The following KHDRBS1 variants were observed in gnomAD, a reference collection of about 807,000 sequenced individuals.
KHDRBS1 encodes the protein KH RNA binding domain containing, signal transduction associated 1, also known as KH domain-containing, RNA-binding, signal transduction-associated protein 1.
Under a neutral mutation model 48.4 loss-of-function variants are expected in KHDRBS1, and 7 were observed. The ratio of observed to expected loss-of-function variants is 0.14; its 90% CI spans 0.08 to 0.27. KHDRBS1 has a LOEUF of 0.27. KHDRBS1 is among the 10% of genes least tolerant of loss of function. KHDRBS1 has a pLI of 1.00. For synonymous variants in KHDRBS1, 241 were observed against 235.8 expected (o/e 1.02, Z -0.20); for missense variants, 458 against 601.2 (o/e 0.76, Z 2.49).
intron 1 of KHDRBS1, among the ~76,000 whole-genome samples, chr1:32,022,645 C>T (rs1358896118): frequency 2.6e-5 from 4 of 152,142 alleles, no homozygotes; most frequent in Non-Finnish European, 5.9e-5. Context: ...AATCCCAACA[C>T]TTTGGGAGGC....
chr1:32,056,642 G>C (rs541933182), intron 10 of KHDRBS1, among the ~76,000 whole-genome samples: 3 of 152,284 alleles, frequency 2.0e-5, no homozygotes, highest in African/African-American at 2.4e-5. Flanking sequence ...TCATGGCCTA[G>C]CTTTAGGTAT....
At chr1:32,033,048 A>T in intron 3 of KHDRBS1, 140 bp from the exon 4 acceptor site, 2 of 604,514 alleles carry the variant, frequency 3.3e-6, no homozygotes, top group Non-Finnish European at 5.7e-6. Context: ...TTTTTGTTTA[A>T]TTCTTCTCAG....
At chr1:32,053,594 A>C (rs1439528997) in intron 10 of KHDRBS1, among the ~76,000 whole-genome samples, 1 of 152,126 alleles carries the variant, frequency 6.6e-6, no homozygotes, top group Admixed American at 6.5e-5. Context: ...TATGTTGCCC[A>C]AGCCGGACTC....
intron 1 of KHDRBS1, among the ~76,000 whole-genome samples, chr1:32,028,500 C>CTTT (rs1235962364): frequency 5.7e-5 from 7 of 123,370 alleles, no homozygotes; most frequent in African/African-American, 1.0e-4. Context: ...ACTATATATA[C>CTTT]TTTTTTTTTT....
chr1:32,020,717 CTATATGATTTCATTAA>C (rs1638841279), intron 1 of KHDRBS1, among the ~76,000 whole-genome samples: 1 of 151,608 alleles, frequency 6.6e-6, no homozygotes, highest in Non-Finnish European at 1.5e-5. Flanking sequence ...AGGTTACATA[CTATATGATTTCATTAA>C]TATAACATTC....
intron 2 of KHDRBS1, 105 bp downstream of exon 2, chr1:32,030,527 G>A (rs1639061290): frequency 1.1e-6 from 1 of 913,014 alleles, no homozygotes. Context: ...AGAAACTTAA[G>A]CCTGTGAAGC....
chr1:32,037,099 C>G, intron 5 of KHDRBS1, 56 bp downstream of exon 5: 1 of 1,577,776 alleles, frequency 6.3e-7, no homozygotes, highest in Non-Finnish European at 8.7e-7. Context: ...CTAGTGTCAT[C>G]TCTTTTAGTG....
intron 10 of KHDRBS1, among the ~76,000 whole-genome samples, chr1:32,053,046 G>A (rs1203795530): frequency 1.3e-5 from 2 of 152,142 alleles, no homozygotes; most frequent in Non-Finnish European, 2.9e-5. Context: ...CCAGCTACTT[G>A]AAAGGCTGAG....
At chr1:32,034,957 G>C (rs1369314248) in intron 4 of KHDRBS1, among the ~76,000 whole-genome samples, 1 of 151,246 alleles carries the variant, frequency 6.6e-6, no homozygotes, top group East Asian at 1.9e-4. Context: ...CTCTGGCCTG[G>C]GTGACAGAGT....
chr1:32,058,289 T>C (rs1639505201), intron 10 of KHDRBS1, among the ~76,000 whole-genome samples: 1 of 152,178 alleles, frequency 6.6e-6, no homozygotes, highest in East Asian at 1.9e-4. Context: ...GGTATTACTA[T>C]GTTGCCCAGG....
chr1:32,032,310 CT>C (rs1180350583), intron 3 of KHDRBS1, among the ~76,000 whole-genome samples: 1 of 152,204 alleles, frequency 6.6e-6, no homozygotes, highest in African/African-American at 2.4e-5. Flanking sequence ...TTCAACCCTC[CT>C]TTTATGTAGT....
At chr1:32,031,785 A>G (rs971201789) in intron 3 of KHDRBS1, 145 bp downstream of exon 3, 14 of 502,110 alleles carry the variant, frequency 2.8e-5, no homozygotes, top group East Asian at 9.9e-5. Context: ...GCAAGAGATT[A>G]TACACCAAGT....
chr1:32,030,315 A>G lies in KHDRBS1; in HGVS notation c.400A>G (p.Lys134Glu). 1.2e-6 allele frequency: 2 copies of G among 1,606,780 alleles called. No homozygotes were observed. The highest frequency in any genetic ancestry group is 1.1e-5 in the South Asian group (1 of 89,002). Residue 134 changes from lysine (K) to glutamate (E), a missense_variant, in exon 2 of 9, where the codon AAA (lysine) becomes GAA (glutamate). By Grantham distance (56) the Lys-to-Glu change is moderately conservative. Coordinates refer to ENST00000327300, the MANE Select transcript of KHDRBS1 (RefSeq NM_006559.3). ...LLTAEIEKIQ[K>E]GDSKKDDEEN... The stretch of plus-strand genomic sequence containing the variant: ...CTATTCAGAAATTGAGAAGATTCAG[A>G]AAGGAGACTCAAAAAAGGATGATGA...
intron 5 of KHDRBS1, among the ~76,000 whole-genome samples, chr1:32,037,458 AT>A (rs1639204979): frequency 6.6e-6 from 1 of 152,146 alleles, no homozygotes; most frequent in African/African-American, 2.4e-5. Flanking sequence ...AAAAAAAAAA[AT>A]AGAGTTCTAG....
intron 8 of KHDRBS1, among the ~76,000 whole-genome samples, chr1:32,041,583 CTTT>C (rs370173805): frequency 4.0e-5 from 3 of 75,578 alleles, no homozygotes; most frequent in South Asian, 5.5e-4. Context: ...AGGAATTATC[CTTT>C]TTTTTTTTTT....
At chr1:32,057,784 G>A (rs942612017) in intron 10 of KHDRBS1, among the ~76,000 whole-genome samples, 2 of 148,218 alleles carry the variant, frequency 1.3e-5, no homozygotes, top group Non-Finnish European at 3.0e-5. Flanking sequence ...GGGCGACAGA[G>A]CGAGACTCCA....
chr1:32,039,994 A>G (rs1237620344), intron 8 of KHDRBS1, among the ~76,000 whole-genome samples: 2 of 152,142 alleles, frequency 1.3e-5, no homozygotes, highest in Non-Finnish European at 2.9e-5. Context: ...AACTGTACTC[A>G]TCTACCCCAT....
intron 1 of KHDRBS1, among the ~76,000 whole-genome samples, chr1:32,028,660 G>A (rs564198106): frequency 6.6e-5 from 10 of 151,044 alleles, no homozygotes; most frequent in East Asian, 3.9e-4. Flanking sequence ...CCACCGCCAC[G>A]CCCGGCTAAA....
chr1:32,023,571 G>A (rs1437080471), intron 1 of KHDRBS1, among the ~76,000 whole-genome samples: 1 of 152,134 alleles, frequency 6.6e-6, no homozygotes, highest in East Asian at 1.9e-4. Context: ...GGATATCCAA[G>A]GTCTCCAGAG....
Sources: allele counts gnomAD v4.1 joint callset (sites outside exome capture counted in the v4.1 genomes callset), GRCh38; gene constraint gnomAD v4.1.1; transcripts MANE v1.5; gene names NCBI Gene and HGNC (gene_info 2026-07-23, HGNC 2026-07-21).